Variants in DDC observed in about 807,000 individuals in gnomAD.
The protein encoded by DDC is dopa decarboxylase.
DDC carries 43 observed loss-of-function variants against 60.0 expected under a neutral mutation model. The ratio of observed to expected loss-of-function variants is 0.72; its 90% CI spans 0.56 to 0.92. DDC has a LOEUF of 0.92. DDC is among the 40% of genes least tolerant of loss of function. The pLI is 0.00. For synonymous variants in DDC, 232 were observed against 234.6 expected (o/e 0.99, Z 0.10); for missense variants, 573 against 620.2 (o/e 0.92, Z 0.81).
In DDC at chr7:50,565,402, T is replaced by A. The variant is rs960671814; in HGVS notation, c.-146A>T. ...CACTCGGCACTGAGACAGTCACTCTTCTTGAAACTCCAAGCCACACGTTTC... is the reference window on the plus strand; with the variant it reads ...CACTCGGCACTGAGACAGTCACTCTACTTGAAACTCCAAGCCACACGTTTC... On this transcript the variant is annotated 5_prime_UTR_variant, in exon 1 of 15. Transcript: ENST00000444124. 1 of 152,214 alleles carries A rather than the reference T, an allele frequency of 6.6e-6. No individual in the cohort carries two copies. The highest frequency in any genetic ancestry group is 2.4e-5 in the African/African-American group (1 of 41,458). The allele number at this position is 152,214 out of a possible 1,614,324, so 9.4% of individuals were successfully genotyped here.
intron 4 of DDC, among the ~76,000 whole-genome samples, chr7:50,534,742 T>C (rs1351905961): frequency 6.6e-6 from 1 of 152,220 alleles, no homozygotes; most frequent in Admixed American, 6.5e-5. Context: ...AGACCATGCA[T>C]GCCCTTGCCT....
At chr7:50,546,891 C>A (rs115419295) in intron 1 of DDC, among the ~76,000 whole-genome samples, 1,959 of 152,352 alleles carry the variant, frequency 0.013, 39 homozygotes, top group African/African-American at 0.045. Context: ...TTCTGTTGCA[C>A]CTTTGTGCTT....
chr7:50,542,654 TTACTCTCCTG>T (rs1268905325), intron 2 of DDC: 1 of 152,346 alleles, frequency 6.6e-6, no homozygotes, highest in African/African-American at 2.4e-5. Context: ...AAATCCTCCC[TTACTCTCCTG>T]TACTCCCCAC....
intron 4 of DDC, among the ~76,000 whole-genome samples, chr7:50,532,501 C>T (rs2044249311): frequency 6.6e-6 from 1 of 152,174 alleles, no homozygotes; most frequent in African/African-American, 2.4e-5. Context: ...GTTGTCTTTC[C>T]TACTAGCCTT....
intron 11 of DDC, among the ~76,000 whole-genome samples, chr7:50,474,828 A>G (rs1297423193): frequency 6.6e-6 from 1 of 152,180 alleles, no homozygotes; most frequent in African/African-American, 2.4e-5. Context: ...TAAGCTGGGA[A>G]AGAGCAAAAT....
intron 6 of DDC, among the ~76,000 whole-genome samples, chr7:50,521,033 A>G (rs1585223968): frequency 6.6e-6 from 1 of 151,996 alleles, no homozygotes; most frequent in African/African-American, 2.4e-5. Flanking sequence ...AAAAAAGCTG[A>G]CTCTTTGAAA....
intron 11 of DDC, among the ~76,000 whole-genome samples, chr7:50,470,860 A>T (rs887956968): frequency 2.0e-5 from 3 of 152,170 alleles, no homozygotes; most frequent in Admixed American, 6.5e-5. Flanking sequence ...TGGGACGAGG[A>T]GACTGCTGGG....
chr7:50,519,664 C>T (rs1160868883), intron 6 of DDC, among the ~76,000 whole-genome samples: 2 of 151,982 alleles, frequency 1.3e-5, no homozygotes, highest in African/African-American at 4.8e-5. Context: ...TGTAGGTTCT[C>T]ACTGATATGT....
At chr7:50,535,242 T>G (rs1032596120) in intron 4 of DDC, among the ~76,000 whole-genome samples, 1 of 152,092 alleles carries the variant, frequency 6.6e-6, no homozygotes, top group Admixed American at 6.6e-5. Context: ...CGGCAACCTC[T>G]GCCTCCCAGG....
chr7:50,474,482 G>T (rs561276161), intron 11 of DDC, among the ~76,000 whole-genome samples: 1 of 152,324 alleles, frequency 6.6e-6, no homozygotes, highest in East Asian at 1.9e-4. Flanking sequence ...GAACAGGCTG[G>T]GGAAGCCTCA....
intron 6 of DDC, among the ~76,000 whole-genome samples, chr7:50,522,180 C>A (rs186596808): frequency 1.5e-4 from 20 of 135,440 alleles, no homozygotes; most frequent in Admixed American, 5.7e-4. Flanking sequence ...AAAACCATTC[C>A]CATTAGCACC....
rs375762013 is a variant in DDC, at chr7:50,552,378, A to T, written c.-28-8265T>A. On this transcript the variant is annotated intron_variant, in intron 1 of 14. Coordinates refer to ENST00000444124, the MANE Select transcript of DDC (RefSeq NM_001082971.2). Reference sequence around the variant, plus strand: ...TGCACACGACACTATTCTCCACACTATTCTCTACCCCACACTATTCTCCAT... The same window carrying T: ...TGCACACGACACTATTCTCCACACTTTTCTCTACCCCACACTATTCTCCAT... Among the ~76,000 whole-genome samples the T allele has an allele frequency of 1.4e-4, 21 of 152,252 alleles. No homozygotes were observed. The East Asian group carries it at 1.7e-3, about 13-fold the overall frequency.
At chr7:50,504,765 C>A (rs2043347194) in intron 6 of DDC, among the ~76,000 whole-genome samples, 1 of 152,078 alleles carries the variant, frequency 6.6e-6, no homozygotes, top group African/African-American at 2.4e-5. Context: ...CAGAGCAGAG[C>A]AAGCGCAGTA....
intron 6 of DDC, among the ~76,000 whole-genome samples, chr7:50,519,372 C>T (rs1256333113): frequency 6.6e-6 from 1 of 152,144 alleles, no homozygotes; most frequent in Non-Finnish European, 1.5e-5. Context: ...ACCATTTGAT[C>T]CAGCAATCCC....
chr7:50,519,524 CTG>C (rs1399464905), intron 6 of DDC, among the ~76,000 whole-genome samples: 60 of 152,266 alleles, frequency 3.9e-4, no homozygotes, highest in African/African-American at 1.3e-3. Context: ...AATAAAGAAA[CTG>C]TGGTATATAT....
At chr7:50,483,752 A>G (rs1382370954) in intron 9 of DDC, among the ~76,000 whole-genome samples, 2 of 152,158 alleles carry the variant, frequency 1.3e-5, no homozygotes, top group East Asian at 3.9e-4. Flanking sequence ...AATACAAAAA[A>G]AATTAGCTGG....
chr7:50,499,666 C>T (rs961680008), intron 7 of DDC, among the ~76,000 whole-genome samples: 1 of 152,186 alleles, frequency 6.6e-6, no homozygotes, highest in Non-Finnish European at 1.5e-5. Flanking sequence ...GGTCTGCACA[C>T]AGTCCACGCT....
intron 9 of DDC, among the ~76,000 whole-genome samples, chr7:50,489,012 T>A (rs1001061504): frequency 6.6e-6 from 1 of 152,112 alleles, no homozygotes; most frequent in Non-Finnish European, 1.5e-5. Context: ...TGCTTGTTTG[T>A]TTGTTTGTTT....
At chr7:50,517,666 C>T (rs913203749) in intron 6 of DDC, among the ~76,000 whole-genome samples, 4 of 151,962 alleles carry the variant, frequency 2.6e-5, no homozygotes, top group African/African-American at 9.7e-5. Context: ...TGATTGCTTG[C>T]CTTGAAAATC....
Sources: allele counts gnomAD v4.1 joint callset (sites outside exome capture counted in the v4.1 genomes callset), GRCh38; gene constraint gnomAD v4.1.1; transcripts MANE v1.5; gene names NCBI Gene and HGNC (gene_info 2026-07-23, HGNC 2026-07-21).